KIRREL3: variants seen among roughly 807,000 people sequenced by gnomAD.
The protein encoded by KIRREL3 is kin of IRRE-like protein 3.
A neutral mutation model predicts 89.7 loss-of-function variants in KIRREL3; 36 were observed. That is an observed-to-expected ratio of 0.40 (90% confidence interval 0.31 to 0.53). The LOEUF is 0.53. Ranked by LOEUF, KIRREL3 falls within the 20% of genes least tolerant of loss-of-function variation. KIRREL3 has a pLI of 0.49. For synonymous variants in KIRREL3, 445 were observed against 441.4 expected (o/e 1.01, Z -0.10); for missense variants, 864 against 1,056.6 (o/e 0.82, Z 2.53).
At chr11:126,975,771 T>C (rs1218985794) in intron 1 of KIRREL3, among the ~76,000 whole-genome samples, 1 of 152,180 alleles carries the variant, frequency 6.6e-6, no homozygotes, top group Admixed American at 6.5e-5. Flanking sequence ...CAGTTGATTC[T>C]CATGCACAAT....
chr11:126,682,575 G>A lies in KIRREL3; in HGVS notation c.56-119663C>T, dbSNP rs1458940184. The stretch of plus-strand genomic sequence containing the variant: ...GGTCCCCAGCATTTTTGGCACCAGG[G>A]ACAGGTTTCATGGATGGCAATTTTT... On this transcript the variant is annotated intron_variant, in intron 1 of 16. Coordinates refer to ENST00000525144, the MANE Select transcript of KIRREL3 (RefSeq NM_032531.4). The surrounding 1 kb of genome is among the most constrained non-coding windows in gnomAD (Gnocchi z 4.8). Among the ~76,000 whole-genome samples the A allele has an allele frequency of 6.6e-6, 1 of 152,118 alleles. No homozygotes were observed. The highest frequency in any genetic ancestry group is 1.5e-5 in the Non-Finnish European group (1 of 68,026).
intron 1 of KIRREL3, among the ~76,000 whole-genome samples, chr11:126,781,732 G>A: frequency 6.6e-6 from 1 of 152,108 alleles, no homozygotes; most frequent in East Asian, 1.9e-4. Context: ...GGACACCAAA[G>A]GGCTCTGTGG....
Position 126,557,595 on chromosome 11 carries a change from G to T in KIRREL3, c.133+5240C>A, listed in dbSNP as rs1044475943. Among the ~76,000 whole-genome samples, 1 of 152,198 alleles carries T rather than the reference G, an allele frequency of 6.6e-6. No individual in the cohort carries two copies. ...TCCCACTACACATCCCAGCTGTGGG[G>T]CACCTCTCTTTCTATACGAGGAAAC... On this transcript the variant is annotated intron_variant, in intron 2 of 16. Coordinates refer to ENST00000525144, the MANE Select transcript of KIRREL3 (RefSeq NM_032531.4). This position sits in a 1 kb window ranked among gnomAD's most constrained non-coding sequence, Gnocchi z 5.6.
At chr11:126,450,999 G>A (rs1956081982) in intron 7 of KIRREL3, among the ~76,000 whole-genome samples, 1 of 150,992 alleles carries the variant, frequency 6.6e-6, no homozygotes, top group South Asian at 2.1e-4. Flanking sequence ...CAATGTGCAT[G>A]TGTGCACGTG....
intron 1 of KIRREL3, among the ~76,000 whole-genome samples, chr11:126,586,752 G>A (rs1941881141): frequency 6.6e-6 from 1 of 152,058 alleles, no homozygotes; most frequent in Non-Finnish European, 1.5e-5. Flanking sequence ...ATACAAGGTG[G>A]CACCGTGAAG....
At position 126,521,502 on chromosome 11, in the gene KIRREL3, G is replaced by A. The variant is rs1350284076; in HGVS notation, c.284-38C>T. On this transcript the variant is annotated intron_variant, in intron 3 of 16. Transcript: ENST00000525144. The surrounding 1 kb of genome is among the most constrained non-coding windows in gnomAD (Gnocchi z 4.1). ...CAGGCAGGTCAGGGAGCTGGGGTGG[G>A]GTGGAGGGGACACCCATGACAAAGA... is the stretch of plus-strand genomic sequence containing the variant. The A allele has an allele frequency of 5.8e-6, 9 of 1,550,488 alleles. No individual in the cohort carries two copies. The highest frequency in any genetic ancestry group is 1.4e-5 in the African/African-American group (1 of 73,808).
intron 1 of KIRREL3, among the ~76,000 whole-genome samples, chr11:126,665,124 G>A (rs1354093620): frequency 6.6e-6 from 1 of 152,096 alleles, no homozygotes; most frequent in African/African-American, 2.4e-5. Context: ...CCTTCCACCT[G>A]CCTGAGGTGA....
Position 126,606,077 on chromosome 11 carries a change from C to T in KIRREL3, c.56-43165G>A, listed in dbSNP as rs188907398. On this transcript the variant is annotated intron_variant, in intron 1 of 16. Coordinates refer to ENST00000525144, the MANE Select transcript of KIRREL3 (RefSeq NM_032531.4). This position sits in a 1 kb window ranked among gnomAD's most constrained non-coding sequence, Gnocchi z 4.6. ...AGTCAATTATTCAATCTCCCTGAGC[C>T]TCCATTTCTTCAGTAAAATGGAGCT... Among the ~76,000 whole-genome samples the T allele has an allele frequency of 1.8e-3, 281 of 152,332 alleles. No individual in the cohort carries two copies. The highest frequency in any genetic ancestry group is 4.4e-3 in the South Asian group (21 of 4,826).
chr11:126,493,342 A>T (rs1957571900), intron 4 of KIRREL3, among the ~76,000 whole-genome samples: 1 of 152,148 alleles, frequency 6.6e-6, no homozygotes, highest in South Asian at 2.1e-4. Flanking sequence ...TAACACGGTG[A>T]AACCCCATCT....
At chr11:126,785,691 T>A (rs1950465705) in intron 1 of KIRREL3, among the ~76,000 whole-genome samples, 1 of 151,824 alleles carries the variant, frequency 6.6e-6, no homozygotes, top group Admixed American at 6.6e-5. Flanking sequence ...TCATCCAACA[T>A]GGTGAAACTC....
At chr11:126,888,967 A>G (rs1401282959) in intron 1 of KIRREL3, among the ~76,000 whole-genome samples, 9 of 152,228 alleles carry the variant, frequency 5.9e-5, no homozygotes, top group African/African-American at 2.2e-4. Context: ...TCCACAGTCC[A>G]CGGAGATTAA....
intron 1 of KIRREL3, among the ~76,000 whole-genome samples, chr11:126,858,498 T>C (rs988741997): frequency 6.6e-6 from 1 of 152,134 alleles, no homozygotes; most frequent in African/African-American, 2.4e-5. Flanking sequence ...CCTAAGAAGT[T>C]AGCAATCTCT....
At chr11:126,800,161 G>C (rs60079298) in intron 1 of KIRREL3, among the ~76,000 whole-genome samples, 1 of 152,088 alleles carries the variant, frequency 6.6e-6, no homozygotes, top group Non-Finnish European at 1.5e-5. Flanking sequence ...GCATCACCAA[G>C]AATGTACTGG....
chr11:126,497,183 T>G (rs1957684569), intron 4 of KIRREL3, among the ~76,000 whole-genome samples: 1 of 122,230 alleles, frequency 8.2e-6, no homozygotes, highest in African/African-American at 3.3e-5. Context: ...AGAGAGTGTG[T>G]GAGAGTGTGA....
intron 4 of KIRREL3, among the ~76,000 whole-genome samples, chr11:126,505,767 C>T (rs953645278): frequency 4.6e-5 from 7 of 152,010 alleles, no homozygotes; most frequent in African/African-American, 1.7e-4. Flanking sequence ...ACAAGATGTA[C>T]ACTGAGAACT....
chr11:126,654,058 G>C, intron 1 of KIRREL3, among the ~76,000 whole-genome samples: 1 of 152,084 alleles, frequency 6.6e-6, no homozygotes. Context: ...TCCCTATCAC[G>C]GGCTCCCAGT....
intron 1 of KIRREL3, among the ~76,000 whole-genome samples, chr11:126,828,344 A>G (rs992294475): frequency 6.6e-6 from 1 of 151,882 alleles, no homozygotes; most frequent in Non-Finnish European, 1.5e-5. Context: ...CAGGGAGGAG[A>G]GGTCTGAAAG....
chr11:126,855,520 C>T (rs1944478029), intron 1 of KIRREL3, among the ~76,000 whole-genome samples: 1 of 152,186 alleles, frequency 6.6e-6, no homozygotes, highest in Admixed American at 6.5e-5. Flanking sequence ...TTCTTTATAG[C>T]AATGTGAGAA....
chr11:126,582,236 C>T, intron 1 of KIRREL3, among the ~76,000 whole-genome samples: 1 of 152,192 alleles, frequency 6.6e-6, no homozygotes, highest in East Asian at 1.9e-4. Flanking sequence ...CTTTGCATGG[C>T]CTGTCCTCTC....
Sources: gnomAD v4.1 joint callset for allele counts (sites outside exome capture counted in the v4.1 genomes callset) on GRCh38, gnomAD v4.1.1 for gene constraint, Gnocchi (gnomAD v3.1) non-coding constraint, MANE v1.5 for transcripts, NCBI Gene and HGNC (gene_info 2026-07-23, HGNC 2026-07-21) for gene names.